TMPRSS11F: variants seen among roughly 807,000 people sequenced by gnomAD.
The protein encoded by TMPRSS11F is transmembrane protease serine 11F.
In TMPRSS11F, 47 loss-of-function variants were observed where a neutral mutation model predicts 60.2. The observed-to-expected ratio is 0.78, with a 90% CI of 0.62 to 1.00. The LOEUF is 1.00. TMPRSS11F is among the 50% of genes least tolerant of loss of function. The pLI is 0.00. For missense variants in TMPRSS11F, 519 were observed against 522.9 expected (o/e 0.99, Z 0.07); for synonymous variants, 166 against 167.3 (o/e 0.99, Z 0.06).
intron 7 of TMPRSS11F, among the ~76,000 whole-genome samples, 159 bp from the exon 8 acceptor site, chr4:68,065,103 AAATTT>A (rs1405316679): frequency 6.6e-6 from 1 of 152,212 alleles, no homozygotes; most frequent in African/African-American, 2.4e-5. Flanking sequence ...AATTGTTTTT[AAATTT>A]ATTACAATTA....
Position 68,068,287 on chromosome 4 carries a change from C to G in TMPRSS11F, c.755+331G>C, listed in dbSNP as rs141040363. On this transcript the variant is annotated intron_variant, in intron 7 of 9. Coordinates refer to ENST00000356291, the MANE Select transcript of TMPRSS11F (RefSeq NM_207407.2). ...ATTGGAAAAAAACAAAAGTAGCTGA[C>G]TTTCTTCTTGAGTATGTAAAAGAGA... Among the ~76,000 whole-genome samples the G allele has an allele frequency of 9.0e-4, 137 of 152,232 alleles. 1 individual carries two copies. The highest frequency in any genetic ancestry group is 3.2e-3 in the African/African-American group (134 of 41,538).
chr4:68,092,721 C>CA (rs139902418), intron 2 of TMPRSS11F, among the ~76,000 whole-genome samples: 6 of 151,448 alleles, frequency 4.0e-5, no homozygotes, highest in East Asian at 1.9e-4. Flanking sequence ...AGTTTTATTA[C>CA]AAAAAAAAGA....
At chr4:68,099,064 A>G (rs764075919) in intron 1 of TMPRSS11F, 26 bp from the exon 2 acceptor site, 1 of 1,588,084 alleles carries the variant, frequency 6.3e-7, no homozygotes, top group Non-Finnish European at 8.6e-7. Context: ...GAAAATAGAG[A>G]CAATAAAAAT....
At chr4:68,118,479 C>CTCTTTAAGAGAAACTTAAAT (rs1724567487) in intron 1 of TMPRSS11F, among the ~76,000 whole-genome samples, 1 of 152,094 alleles carries the variant, frequency 6.6e-6, no homozygotes, top group Non-Finnish European at 1.5e-5. Flanking sequence ...GAGAAACTTC[C>CTCTTTAAGAGAAACTTAAAT]TGTATATTTT....
chr4:68,054,653 CT>C (rs1723004456), intron 9 of TMPRSS11F, among the ~76,000 whole-genome samples: 2 of 152,130 alleles, frequency 1.3e-5, no homozygotes, highest in African/African-American at 4.8e-5. Context: ...AGGTCCAGCT[CT>C]ATTAATTACT....
chr4:68,093,770 T>C (rs1245355026), intron 2 of TMPRSS11F, among the ~76,000 whole-genome samples: 5 of 151,614 alleles, frequency 3.3e-5, no homozygotes, highest in Non-Finnish European at 4.4e-5. Context: ...AAAGAAGACA[T>C]TTATGCAGCC....
chr4:68,124,543 G>C (rs1724679598), intron 1 of TMPRSS11F, among the ~76,000 whole-genome samples: 1 of 152,184 alleles, frequency 6.6e-6, no homozygotes, highest in African/African-American at 2.4e-5. Flanking sequence ...GGTTATTTTA[G>C]TTTTTATTGA....
intron 3 of TMPRSS11F, among the ~76,000 whole-genome samples, chr4:68,079,248 T>C (rs1723645802): frequency 6.6e-6 from 1 of 151,894 alleles, no homozygotes; most frequent in Non-Finnish European, 1.5e-5. Context: ...TATATAATCT[T>C]GTCTAAGGTG....
Position 68,054,048 on chromosome 4 carries a change from A to T in TMPRSS11F, c.1178T>A (p.Leu393Gln). 6.2e-7 allele frequency: 1 copy of T among 1,612,986 alleles called. No homozygotes were observed. Among genetic ancestry groups the T allele is most frequent in the Non-Finnish European group, 8.5e-7 (1 of 1,179,238 alleles). Residue 393 changes from leucine (L) to glutamine (Q), a missense_variant, in exon 10 of 10, where the codon CTG (leucine) becomes CAG (glutamine). By Grantham distance (113) the Leu-to-Gln change is moderately radical (BLOSUM62 -2). Transcript: ENST00000356291. Reference sequence around the variant, plus strand: ...CCAGATGTCATGATTATCATAAACCAGAGGTCCACCAGAATCTCCCTGAAA... The same window carrying T: ...CCAGATGTCATGATTATCATAAACCTGAGGTCCACCAGAATCTCCCTGAAA... The part of the protein sequence containing the change: ...DACKGDSGGP[L>Q]VYDNHDIWYI...
At chr4:68,071,576 G>C (rs931872545) in intron 5 of TMPRSS11F, among the ~76,000 whole-genome samples, 1 of 152,122 alleles carries the variant, frequency 6.6e-6, no homozygotes, top group East Asian at 1.9e-4. Flanking sequence ...TCCTGCCCTT[G>C]ACATTTAAAA....
In TMPRSS11F at chr4:68,070,063, T is replaced by C; in HGVS notation, c.515-56A>G. Reference sequence around the variant, plus strand: ...AGAAGAATATATTCCCATTTTCATGTTGTGTTGTTCAACTGGTCATTAATA... The same window carrying C: ...AGAAGAATATATTCCCATTTTCATGCTGTGTTGTTCAACTGGTCATTAATA... On this transcript the variant is annotated intron_variant, in intron 5 of 9. Coordinates refer to ENST00000356291, the MANE Select transcript of TMPRSS11F (RefSeq NM_207407.2). The C allele has an allele frequency of 2.7e-6, 4 of 1,475,426 alleles. No individual in the cohort carries two copies. In the East Asian group the frequency reaches 9.2e-5, roughly 34 times the overall value. 91.4% of individuals were successfully genotyped at this position (1,475,426 alleles called of 1,614,324 possible). A position where few individuals can be genotyped will look rare whatever the true frequency, so the allele number is the denominator to read the frequency against.
At chr4:68,074,599 C>A (rs1206349783) in intron 3 of TMPRSS11F, among the ~76,000 whole-genome samples, 1 of 152,206 alleles carries the variant, frequency 6.6e-6, no homozygotes, top group Non-Finnish European at 1.5e-5. Context: ...GACACCCTCA[C>A]TTGTTAGTCA....
rs1299580759 is a variant in TMPRSS11F, at chr4:68,053,951, T to A, written c.1275A>T (p.Val425=). The change falls in exon 10 of 10, where the codon GTA becomes GTT. Residue 425 remains valine, a synonymous_variant. Coordinates refer to ENST00000356291, the MANE Select transcript of TMPRSS11F (RefSeq NM_207407.2). ...LPKKPGVYTR[V]TKYRDWIASK... Reference sequence around the variant, plus strand: ...AGGCAATCCAATCTCGATACTTAGTTACTCTGGTGTAGACTCCAGGTTTTT... The same window carrying A: ...AGGCAATCCAATCTCGATACTTAGTAACTCTGGTGTAGACTCCAGGTTTTT... The A allele has an allele frequency of 6.2e-7, 1 of 1,613,616 alleles. No individual in the cohort carries two copies. Among genetic ancestry groups the A allele is most frequent in the African/African-American group, 1.3e-5 (1 of 74,920 alleles).
chr4:68,059,019 C>T (rs532557681), intron 9 of TMPRSS11F, among the ~76,000 whole-genome samples: 5 of 152,012 alleles, frequency 3.3e-5, no homozygotes, highest in Admixed American at 6.5e-5. Flanking sequence ...TTTCAGCTGT[C>T]GCTGTCATTA....
At chr4:68,062,993 G>A (rs1227681909) in intron 8 of TMPRSS11F, 1 of 692,022 alleles carries the variant, frequency 1.4e-6, no homozygotes, top group Non-Finnish European at 2.8e-6. Context: ...ACATGCGGAT[G>A]TACTTTCACT....
intron 3 of TMPRSS11F, among the ~76,000 whole-genome samples, chr4:68,089,276 A>G (rs990886309): frequency 6.6e-6 from 1 of 152,148 alleles, no homozygotes; most frequent in Admixed American, 6.6e-5. Context: ...TTTTCTTAGT[A>G]AAGGTACTTG....
chr4:68,112,809 T>A (rs2109881985), intron 1 of TMPRSS11F, among the ~76,000 whole-genome samples: 1 of 152,262 alleles, frequency 6.6e-6, no homozygotes, highest in Non-Finnish European at 1.5e-5. Flanking sequence ...TATTCTTTTA[T>A]GCTAATAATT....
In TMPRSS11F at chr4:68,059,448, G is replaced by T. The variant is rs1308488868; in HGVS notation, c.1036C>A (p.Arg346=). The change falls in exon 9 of 10, where the codon CGG becomes AGG. Residue 346 remains arginine, a synonymous_variant. Coordinates refer to ENST00000356291, the MANE Select transcript of TMPRSS11F (RefSeq NM_207407.2). ...CTTATGGTTTCCACTCTGGCTTGCC[G>T]AAGTGTATTTTGTATAGGTCCTATT... ...VDDGPIQNTL[R]QARVETISTD... 2 of 1,613,270 alleles carry T rather than the reference G, an allele frequency of 1.2e-6. No homozygotes were observed. The highest frequency in any genetic ancestry group is 2.7e-5 in the African/African-American group (2 of 74,788).
At chr4:68,068,382 T>C (rs780048911) in intron 7 of TMPRSS11F, among the ~76,000 whole-genome samples, 3 of 152,072 alleles carry the variant, frequency 2.0e-5, no homozygotes, top group Non-Finnish European at 2.9e-5. Flanking sequence ...TAATATATAA[T>C]AGGAAAGACA....
Sources: gnomAD v4.1 joint callset for allele counts (sites outside exome capture counted in the v4.1 genomes callset) on GRCh38, gnomAD v4.1.1 for gene constraint, MANE v1.5 for transcripts, NCBI Gene and HGNC (gene_info 2026-07-23, HGNC 2026-07-21) for gene names.